GRB10: variants seen among roughly 807,000 people sequenced by gnomAD.
The protein encoded by GRB10 is growth factor receptor-bound protein 10.
GRB10 carries 20 observed loss-of-function variants against 80.9 expected under a neutral mutation model. That is an observed-to-expected ratio of 0.25 (90% confidence interval 0.17 to 0.36). The LOEUF (loss-of-function observed/expected upper bound fraction) is 0.36, where lower values mean the gene tolerates loss of function less well. Among genes scored for constraint, GRB10 ranks in the 10% least tolerant of loss-of-function variants. The pLI, the probability that GRB10 is intolerant of heterozygous loss-of-function variation, is 1.00. For synonymous variants in GRB10, 291 were observed against 291.5 expected, an observed-to-expected ratio of 1.00 and a Z score of 0.02; for missense variants, 548 against 747.7, an observed-to-expected ratio of 0.73 and a Z score of 3.12.
At chr7:50,605,522 A>G in intron 14 of GRB10, 116 bp from the exon 15 acceptor site, 1 of 859,610 alleles carries the variant, frequency 1.2e-6, no homozygotes, top group Non-Finnish European at 2.0e-6. Flanking sequence ...CCTGCTTTCT[A>G]CCTCTGAACT....
chr7:50,772,197 TCAAAACCTAAGGCATTTGC>T (rs2077046394), intron 2 of GRB10, among the ~76,000 whole-genome samples: 1 of 152,112 alleles, frequency 6.6e-6, no homozygotes, highest in Non-Finnish European at 1.5e-5. Context: ...TGAAAGACAC[TCAAAACCTAAGGCATTTGC>T]TGTAACCCTC....
At chr7:50,775,470 C>T (rs2077526152) in intron 2 of GRB10, among the ~76,000 whole-genome samples, 1 of 152,194 alleles carries the variant, frequency 6.6e-6, no homozygotes, top group African/African-American at 2.4e-5. Flanking sequence ...CAGGCTGGCA[C>T]TACACACGGG....
chr7:50,680,129 C>T (rs2061386958), intron 5 of GRB10, among the ~76,000 whole-genome samples: 1 of 152,222 alleles, frequency 6.6e-6, no homozygotes, highest in Non-Finnish European at 1.5e-5. Flanking sequence ...CACCTAACCA[C>T]AACTCCAAAT....
At chr7:50,744,868 C>T (rs1414114655) in intron 3 of GRB10, among the ~76,000 whole-genome samples, 1 of 152,222 alleles carries the variant, frequency 6.6e-6, no homozygotes, top group East Asian at 1.9e-4. Flanking sequence ...GTATGTACTA[C>T]AGTTAATTCT....
intron 7 of GRB10, chr7:50,645,707 G>C (rs2057073100): frequency 2.8e-6 from 2 of 715,770 alleles, no homozygotes; most frequent in Non-Finnish European, 3.4e-6. Flanking sequence ...TTTGCTCCCA[G>C]ACAGGCTCAG....
At chr7:50,706,162 T>C (rs780664197) in intron 4 of GRB10, among the ~76,000 whole-genome samples, 32 of 152,266 alleles carry the variant, frequency 2.1e-4, no homozygotes, top group Non-Finnish European at 3.5e-4. Context: ...AGCATTCCCG[T>C]GGTCTTTGCA....
chr7:50,696,559 C>T (rs1286552282), intron 5 of GRB10, among the ~76,000 whole-genome samples: 1 of 152,222 alleles, frequency 6.6e-6, no homozygotes, highest in Non-Finnish European at 1.5e-5. Flanking sequence ...ACAGAGTCAA[C>T]TCTATCTGCT....
intron 17 of GRB10, among the ~76,000 whole-genome samples, chr7:50,602,576 TA>T (rs1293166172): frequency 6.6e-6 from 1 of 152,212 alleles, no homozygotes; most frequent in Non-Finnish European, 1.5e-5. Flanking sequence ...AAAAGATGTT[TA>T]AAAAAATAGA....
chr7:50,714,486 A>G (rs1347892721), intron 4 of GRB10, among the ~76,000 whole-genome samples: 1 of 152,100 alleles, frequency 6.6e-6, no homozygotes, highest in African/African-American at 2.4e-5. Flanking sequence ...ACACGGTGAA[A>G]CCCCGTCTCT....
intron 2 of GRB10, among the ~76,000 whole-genome samples, chr7:50,766,445 T>C (rs2076345948): frequency 6.6e-6 from 1 of 152,176 alleles, no homozygotes; most frequent in African/African-American, 2.4e-5. Context: ...TTCCTTTTCT[T>C]CTTCCCTTAA....
At chr7:50,753,184 G>A (rs2074443311) in intron 3 of GRB10, among the ~76,000 whole-genome samples, 1 of 152,188 alleles carries the variant, frequency 6.6e-6, no homozygotes, top group South Asian at 2.1e-4. Context: ...CCTCATCTGA[G>A]ACACTCTGCA....
chr7:50,629,679 C>T (rs1346806870), intron 7 of GRB10, among the ~76,000 whole-genome samples: 1 of 152,208 alleles, frequency 6.6e-6, no homozygotes, highest in Non-Finnish European at 1.5e-5. Flanking sequence ...TTGTAAGGAA[C>T]ACAAGAGGTA....
intron 7 of GRB10, among the ~76,000 whole-genome samples, chr7:50,640,114 A>T (rs2153605572): frequency 6.6e-6 from 1 of 152,330 alleles, no homozygotes. Context: ...GGCTCCTCCC[A>T]AACAGGGGCA....
chr7:50,632,154 G>C (rs1290717862), intron 7 of GRB10, among the ~76,000 whole-genome samples: 1 of 151,794 alleles, frequency 6.6e-6, no homozygotes, highest in Non-Finnish European at 1.5e-5. Context: ...ATTATTTTTA[G>C]TTCTGTTTTA....
At chr7:50,751,688 T>C (rs79123151) in intron 3 of GRB10, among the ~76,000 whole-genome samples, 1,868 of 152,336 alleles carry the variant, frequency 0.012, 51 homozygotes, top group African/African-American at 0.042. Context: ...ATTTTAAATA[T>C]GTGCAGTTTT....
rs146730073 is a variant in GRB10 at position 50,596,878 on chromosome 7, A to G, written c.1545-1348T>C. Among the ~76,000 whole-genome samples, 54 of 152,326 alleles carry G rather than the reference A, an allele frequency of 3.5e-4. No homozygotes were observed. In the East Asian group the frequency reaches 8.7e-3, roughly 24 times the overall value. On this transcript the variant is annotated intron_variant, in intron 17 of 18. Coordinates refer to ENST00000401949, the MANE Select transcript of GRB10 (RefSeq NM_001350814.2). Reference sequence around the variant, plus strand: ...TAGAATAGCACAAAAAAGGCATAAAATCATTGCTCTTACATGAGAAAATCT... The same window carrying G: ...TAGAATAGCACAAAAAAGGCATAAAGTCATTGCTCTTACATGAGAAAATCT...
At chr7:50,786,871 G>C (rs986921009), upstream of GRB10, among the ~76,000 whole-genome samples, 3 of 152,214 alleles carry the variant, frequency 2.0e-5, no homozygotes, top group Non-Finnish European at 4.4e-5. Context: ...GGGAGCCTCA[G>C]AGCAACCCAG....
intron 8 of GRB10, among the ~76,000 whole-genome samples, chr7:50,624,091 A>T (rs1209113064): frequency 6.6e-6 from 1 of 152,158 alleles, no homozygotes; most frequent in Non-Finnish European, 1.5e-5. Context: ...TATACCCTCA[A>T]TTATGGGGGG....
At chr7:50,699,694 T>C (rs1053917609) in intron 5 of GRB10, among the ~76,000 whole-genome samples, 2 of 152,236 alleles carry the variant, frequency 1.3e-5, no homozygotes, top group African/African-American at 2.4e-5. Context: ...TTTTGTTCTA[T>C]GTTAACATGT....
Sources: gnomAD v4.1 joint callset for allele counts (sites outside exome capture counted in the v4.1 genomes callset) on GRCh38, gnomAD v4.1.1 for gene constraint, MANE v1.5 for transcripts, NCBI Gene and HGNC (gene_info 2026-07-23, HGNC 2026-07-21) for gene names.